The following DGKG variants were observed in gnomAD, a reference collection of about 807,000 sequenced individuals.
DGKG encodes the protein diacylglycerol kinase gamma, also known as DAG kinase gamma.
In DGKG, 78 loss-of-function variants were observed where a neutral mutation model predicts 105.3. That is an observed-to-expected ratio of 0.74 (90% CI 0.62 to 0.89). The LOEUF is 0.89. Among genes scored for constraint, DGKG ranks in the 40% least tolerant of loss-of-function variants. The probability of loss-of-function intolerance (pLI) is 0.00; values close to 1 mark genes in which losing one functional copy is unlikely to be tolerated. For missense variants in DGKG, 958 were observed against 1,020.1 expected (o/e 0.94, Z 0.83); for synonymous variants, 346 against 367.1 (o/e 0.94, Z 0.66).
At chr3:186,245,072 T>G (rs1720876634) in intron 19 of DGKG, among the ~76,000 whole-genome samples, 1 of 152,302 alleles carries the variant, frequency 6.6e-6, no homozygotes, top group Non-Finnish European at 1.5e-5. Flanking sequence ...TGGCACAATT[T>G]GTACTTCGCT....
intron 21 of DGKG, among the ~76,000 whole-genome samples, chr3:186,196,129 T>G (rs185740127): frequency 0.026 from 3,589 of 135,518 alleles, 81 homozygotes; most frequent in Admixed American, 0.1. Flanking sequence ...CTCTCTCTCT[T>G]TTTCTTTCTT....
At chr3:186,181,669 G>A (rs1484565934) in intron 22 of DGKG, among the ~76,000 whole-genome samples, 1 of 152,170 alleles carries the variant, frequency 6.6e-6, no homozygotes, top group Non-Finnish European at 1.5e-5. Context: ...GGAGGCAGAG[G>A]TTGCAGTGAG....
intron 1 of DGKG, among the ~76,000 whole-genome samples, chr3:186,360,889 C>T (rs993299151): frequency 5.9e-5 from 9 of 152,268 alleles, no homozygotes; most frequent in Non-Finnish European, 1.2e-4. Flanking sequence ...GACAAACAGC[C>T]CTCCCAGGCC....
chr3:186,190,685 C>T (rs1264710678), intron 21 of DGKG, among the ~76,000 whole-genome samples: 1 of 151,310 alleles, frequency 6.6e-6, no homozygotes, highest in African/African-American at 2.4e-5. Context: ...ATAACATAGA[C>T]ATAAAACTTT....
intron 22 of DGKG, among the ~76,000 whole-genome samples, chr3:186,182,428 C>G (rs889024251): frequency 6.6e-6 from 1 of 152,124 alleles, no homozygotes; most frequent in African/African-American, 2.4e-5. Context: ...GGGAGGGAGA[C>G]CATACTTGTT....
At chr3:186,337,978 G>T (rs1171268836) in intron 1 of DGKG, among the ~76,000 whole-genome samples, 1 of 151,946 alleles carries the variant, frequency 6.6e-6, no homozygotes, top group Non-Finnish European at 1.5e-5. Context: ...AAGACAAGCT[G>T]GGAAACAGGG....
intron 22 of DGKG, among the ~76,000 whole-genome samples, chr3:186,172,076 A>G (rs1716850474): frequency 6.6e-6 from 1 of 152,124 alleles, no homozygotes; most frequent in Admixed American, 6.6e-5. Context: ...TGAACTCCTG[A>G]TCTCAGGTGA....
intron 19 of DGKG, among the ~76,000 whole-genome samples, chr3:186,248,498 C>T (rs1460229687): frequency 1.3e-5 from 2 of 152,226 alleles, no homozygotes; most frequent in Non-Finnish European, 2.9e-5. Flanking sequence ...TCTTCACTCC[C>T]TGAGAACTTG....
chr3:186,256,752 C>A (rs890845457), intron 17 of DGKG, among the ~76,000 whole-genome samples: 5 of 152,234 alleles, frequency 3.3e-5, no homozygotes, highest in Admixed American at 6.5e-5. Flanking sequence ...CCTGCTCCCA[C>A]TGCAGGGCCT....
chr3:186,255,932 C>T (rs1282279209), intron 17 of DGKG, among the ~76,000 whole-genome samples: 1 of 152,190 alleles, frequency 6.6e-6, no homozygotes, highest in Non-Finnish European at 1.5e-5. Flanking sequence ...GTGAAAAAAA[C>T]TAATGTTTCT....
rs181497853 is a variant in DGKG, at chr3:186,323,934, C to T, written c.-248-3227G>A. On this transcript the variant is annotated intron_variant, in intron 1 of 24. Transcript: ENST00000265022. ...CCTGGGCAACAGAGTGAGACTCCGT[C>T]TCAAAAAAAAAAAAAAAAAAAAAAT... 3.9e-3 allele frequency among the ~76,000 whole-genome samples: 402 copies of T among 102,516 alleles called. 4 individuals carry two copies. In the Middle Eastern group the frequency reaches 0.059, roughly 15 times the overall value. 67.3% of individuals were successfully genotyped at this position (102,516 alleles called of 152,430 possible). A position where few individuals can be genotyped will look rare whatever the true frequency, so the allele number is the denominator to read the frequency against.
intron 21 of DGKG, among the ~76,000 whole-genome samples, chr3:186,196,237 A>C (rs1199195619): frequency 6.6e-6 from 1 of 151,400 alleles, no homozygotes; most frequent in Non-Finnish European, 1.5e-5. Context: ...TCCCAGGTTC[A>C]AGTGATTCTC....
chr3:186,290,045 A>G (rs1040973064), intron 5 of DGKG, among the ~76,000 whole-genome samples: 4 of 152,220 alleles, frequency 2.6e-5, no homozygotes, highest in Admixed American at 6.5e-5. Flanking sequence ...TTTGTATATT[A>G]CAGAGGGCCT....
At chr3:186,221,218 G>C (rs1719561700) in intron 20 of DGKG, among the ~76,000 whole-genome samples, 1 of 152,218 alleles carries the variant, frequency 6.6e-6, no homozygotes, top group Non-Finnish European at 1.5e-5. Context: ...AGAATGCTGA[G>C]GGGCAGGCAA....
At position 186,251,508 on chromosome 3, in the gene DGKG, CTG is replaced by C. The variant is rs537328331; in HGVS notation, c.1761+249_1761+250del. On this transcript the variant is annotated intron_variant, in intron 19 of 24. Coordinates refer to ENST00000265022, the MANE Select transcript of DGKG (RefSeq NM_001346.3). ...GAAAATATGTCTTTTGAAAATTTTTCTGTCTTTTCCTGTGTTAGTTAAAATGA... is the reference window on the plus strand; with the variant it reads ...GAAAATATGTCTTTTGAAAATTTTTCTCTTTTCCTGTGTTAGTTAAAATGA... 3.3e-5 allele frequency among the ~76,000 whole-genome samples: 5 copies of C among 152,276 alleles called. No homozygotes were observed. In the South Asian group the frequency reaches 1.0e-3, roughly 32 times the overall value.
chr3:186,281,864 G>A (rs963439561), intron 7 of DGKG, among the ~76,000 whole-genome samples: 1 of 152,162 alleles, frequency 6.6e-6, no homozygotes, highest in African/African-American at 2.4e-5. Context: ...AAAAGAAAAA[G>A]TTCCCCTGAG....
intron 2 of DGKG, among the ~76,000 whole-genome samples, chr3:186,307,584 T>G (rs1724310280): frequency 1.3e-5 from 2 of 152,332 alleles, no homozygotes; most frequent in South Asian, 4.1e-4. Context: ...TTATAATTAT[T>G]TATTAACTTG....
chr3:186,241,088 A>T (rs1720663588), intron 20 of DGKG, among the ~76,000 whole-genome samples: 1 of 152,120 alleles, frequency 6.6e-6, no homozygotes, highest in Non-Finnish European at 1.5e-5. Flanking sequence ...CTGCTATCGG[A>T]TCCCACAGAT....
intron 19 of DGKG, among the ~76,000 whole-genome samples, chr3:186,245,624 C>T (rs758749906): frequency 9.9e-5 from 15 of 152,230 alleles, no homozygotes; most frequent in South Asian, 2.1e-4. Flanking sequence ...GTGATGATAG[C>T]ATTTCTCACA....
Sources: gnomAD v4.1 joint callset for allele counts (sites outside exome capture counted in the v4.1 genomes callset) on GRCh38, gnomAD v4.1.1 for gene constraint, MANE v1.5 for transcripts, NCBI Gene and HGNC (gene_info 2026-07-23, HGNC 2026-07-21) for gene names.